ARHGEF3: variants seen among roughly 807,000 people sequenced by gnomAD.
The protein encoded by ARHGEF3 is 59.8 kDA protein.
A neutral mutation model predicts 63.2 loss-of-function variants in ARHGEF3; 28 were observed. The observed-to-expected ratio is 0.44, with a 90% CI of 0.33 to 0.61. The LOEUF is 0.61. Ranked by LOEUF, ARHGEF3 falls within the 20% of genes least tolerant of loss-of-function variation. The pLI, the probability that ARHGEF3 is intolerant of heterozygous loss-of-function variation, is 0.03. For missense variants in ARHGEF3, 533 were observed against 659.3 expected (o/e 0.81, Z 2.10); for synonymous variants, 266 against 254.2 (o/e 1.05, Z -0.44).
intron 3 of ARHGEF3, among the ~76,000 whole-genome samples, chr3:56,933,191 G>A (rs1417684327): frequency 6.6e-6 from 1 of 152,148 alleles, no homozygotes; most frequent in African/African-American, 2.4e-5. Context: ...AATATATTCA[G>A]ACTACATTTA....
At chr3:56,969,752 C>CAAAAAAA (rs138504813) in intron 2 of ARHGEF3, among the ~76,000 whole-genome samples, 1 of 134,246 alleles carries the variant, frequency 7.4e-6, no homozygotes, top group African/African-American at 2.9e-5. Context: ...GACTCCGTAT[C>CAAAAAAA]AAAAAAAAAA....
chr3:56,992,375 TAAAAAAAAAAAAAAAAAAAAAA>T (rs57740672), intron 2 of ARHGEF3, among the ~76,000 whole-genome samples: 823 of 46,160 alleles, frequency 0.018, 21 homozygotes, highest in African/African-American at 0.037. Flanking sequence ...AGGATGGCTT[TAAAAAAAAAAAAAAAAAAAAAA>T]AAAAAAAAAA....
chr3:56,780,979 T>C (rs1315541397), intron 1 of ARHGEF3, among the ~76,000 whole-genome samples: 1 of 152,230 alleles, frequency 6.6e-6, no homozygotes, highest in Non-Finnish European at 1.5e-5. Flanking sequence ...ATAGGATCTT[T>C]GTAGATAAAA....
intron 4 of ARHGEF3, among the ~76,000 whole-genome samples, chr3:56,810,092 G>A (rs529755216): frequency 1.2e-4 from 18 of 152,138 alleles, no homozygotes; most frequent in East Asian, 1.9e-4. Flanking sequence ...TGTGGGTTTC[G>A]TATAGTAACC....
chr3:57,027,300 C>T (rs1703515283), intron 2 of ARHGEF3, among the ~76,000 whole-genome samples: 1 of 152,210 alleles, frequency 6.6e-6, no homozygotes, highest in Non-Finnish European at 1.5e-5. Flanking sequence ...GGCAGTTCCC[C>T]TTGTCACTGG....
At chr3:56,923,158 G>A (rs548517012) in intron 3 of ARHGEF3, among the ~76,000 whole-genome samples, 1 of 149,680 alleles carries the variant, frequency 6.7e-6, no homozygotes, top group Non-Finnish European at 1.5e-5. Context: ...AACCCAGGAG[G>A]CAGAGGTTGC....
chr3:57,073,530 T>C, intron 1 of ARHGEF3: 1 of 1,214,476 alleles, frequency 8.2e-7, no homozygotes, highest in South Asian at 1.7e-5. Context: ...GGTTTGGCTC[T>C]GTTTGAGCAC....
chr3:57,057,445 T>C (rs1283806661), intron 1 of ARHGEF3, among the ~76,000 whole-genome samples: 1 of 152,118 alleles, frequency 6.6e-6, no homozygotes, highest in Non-Finnish European at 1.5e-5. Context: ...TCTCAGCACT[T>C]ATCCCAACTA....
intron 3 of ARHGEF3, among the ~76,000 whole-genome samples, chr3:56,935,852 T>A (rs577396810): frequency 1.3e-5 from 2 of 152,320 alleles, no homozygotes; most frequent in African/African-American, 4.8e-5. Context: ...ACAGACCCAG[T>A]GCTAAATACT....
chr3:56,749,628 A>C (rs1461498780), intron 6 of ARHGEF3, among the ~76,000 whole-genome samples: 1 of 152,206 alleles, frequency 6.6e-6, no homozygotes, highest in East Asian at 1.9e-4. Flanking sequence ...TCTTTGGAGA[A>C]ATTTCTTTGT....
At chr3:57,031,313 A>G (rs13326979) in intron 2 of ARHGEF3, among the ~76,000 whole-genome samples, 2,553 of 152,354 alleles carry the variant, frequency 0.017, 76 homozygotes, top group African/African-American at 0.058. Flanking sequence ...TTTCTGAAAC[A>G]TAAGTCTATC....
chr3:56,881,299 T>A (rs2108255677), intron 4 of ARHGEF3, among the ~76,000 whole-genome samples: 1 of 152,308 alleles, frequency 6.6e-6, no homozygotes, highest in African/African-American at 2.4e-5. Context: ...AGAGTAGCTT[T>A]CATGGTCTCC....
At chr3:56,748,685 A>T (rs2034552393) in intron 6 of ARHGEF3, among the ~76,000 whole-genome samples, 1 of 152,092 alleles carries the variant, frequency 6.6e-6, no homozygotes, top group East Asian at 1.9e-4. Flanking sequence ...AAACGTTGGC[A>T]TAGAGATAAG....
At chr3:56,995,706 A>T (rs35303658) in intron 2 of ARHGEF3, among the ~76,000 whole-genome samples, 4 of 149,286 alleles carry the variant, frequency 2.7e-5, no homozygotes, top group Non-Finnish European at 5.9e-5. Context: ...TTGAGACCCC[A>T]GTAGAGAGAA....
At chr3:56,970,110 G>T (rs1036149796) in intron 2 of ARHGEF3, among the ~76,000 whole-genome samples, 1 of 152,166 alleles carries the variant, frequency 6.6e-6, no homozygotes, top group Non-Finnish European at 1.5e-5. Flanking sequence ...TCTGGAATTC[G>T]ATAGTGGTGA....
intron 3 of ARHGEF3, among the ~76,000 whole-genome samples, chr3:56,933,653 CA>C (rs886806548): frequency 5.3e-5 from 8 of 152,140 alleles, no homozygotes; most frequent in African/African-American, 1.9e-4. Context: ...CTCCTGGGCT[CA>C]AAAGGGTTCA....
Position 56,890,499 on chromosome 3 carries a change from G to A in ARHGEF3, c.130-8145C>T, listed in dbSNP as rs543565521. On this transcript the variant is annotated intron_variant, in intron 3 of 12. Transcript: ENST00000338458. ...ACTATTACTACTGCTGTCACTGCTG[G>A]CATAATTATTTTGTTGTTATTTGAT... Among the ~76,000 whole-genome samples, 4 of 152,286 alleles carry A rather than the reference G, an allele frequency of 2.6e-5. No individual in the cohort carries two copies. In the East Asian group the frequency reaches 5.8e-4, roughly 22 times the overall value.
At chr3:57,062,022 C>A (rs1333343521) in intron 1 of ARHGEF3, among the ~76,000 whole-genome samples, 2 of 152,138 alleles carry the variant, frequency 1.3e-5, no homozygotes, top group Non-Finnish European at 2.9e-5. Context: ...TCTTTCCTTG[C>A]TCTGGACTAA....
At chr3:57,076,350 C>T (rs569039813) in intron 1 of ARHGEF3, among the ~76,000 whole-genome samples, 2 of 152,262 alleles carry the variant, frequency 1.3e-5, no homozygotes, top group East Asian at 3.9e-4. Flanking sequence ...TGGTCAGGGG[C>T]TCAGGGACCT....
Sources: allele counts gnomAD v4.1 joint callset (sites outside exome capture counted in the v4.1 genomes callset), GRCh38; gene constraint gnomAD v4.1.1; transcripts MANE v1.5; gene names NCBI Gene and HGNC (gene_info 2026-07-23, HGNC 2026-07-21).